MTARC2: variants seen among roughly 807,000 people sequenced by gnomAD.
MTARC2 encodes MOCO sulphurase C-terminal domain containing 2.
A neutral mutation model predicts 35.6 loss-of-function variants in MTARC2; 27 were observed. The observed-to-expected ratio is 0.76, with a 90% CI of 0.56 to 1.04. MTARC2 has a LOEUF of 1.04. MTARC2 is among the 50% of genes least tolerant of loss of function. The pLI is 0.00. For synonymous variants in MTARC2, 158 were observed against 167.1 expected (o/e 0.95, Z 0.42); for missense variants, 412 against 432.5 (o/e 0.95, Z 0.42).
At chr1:220,763,135 C>T (rs1350791454) in intron 4 of MTARC2, 85 bp downstream of exon 4, 9 of 1,571,208 alleles carry the variant, frequency 5.7e-6, no homozygotes, top group Non-Finnish European at 7.9e-6. Flanking sequence ...AGAGCCAACT[C>T]AGATCCGCCA....
chr1:220,765,289 C>G (rs1242154508), intron 4 of MTARC2, among the ~76,000 whole-genome samples: 1 of 152,076 alleles, frequency 6.6e-6, no homozygotes, highest in African/African-American at 2.4e-5. Context: ...ATTTTAGAAT[C>G]ACAGGAGCAT....
At chr1:220,783,133 T>C (rs1051452732) in intron 7 of MTARC2, among the ~76,000 whole-genome samples, 1 of 152,260 alleles carries the variant, frequency 6.6e-6, no homozygotes, top group Non-Finnish European at 1.5e-5. Context: ...ATTTCATCCG[T>C]TCTGAGATCC....
chr1:220,762,542 G>T (rs1671467197), intron 3 of MTARC2, among the ~76,000 whole-genome samples: 1 of 152,188 alleles, frequency 6.6e-6, no homozygotes, highest in Non-Finnish European at 1.5e-5. Flanking sequence ...TAAATGCCTA[G>T]TGAGTGAATG....
intron 4 of MTARC2, among the ~76,000 whole-genome samples, chr1:220,764,162 C>T (rs889669708): frequency 1.3e-5 from 2 of 151,758 alleles, no homozygotes; most frequent in East Asian, 1.9e-4. Context: ...GGCACGATCT[C>T]GGCTCGCTGC....
Position 220,781,777 on chromosome 1 carries a change from GCTACCGC to G in MTARC2, c.887_893del (p.Tyr296CysfsTer28), listed in dbSNP as rs1672077775. The G allele has an allele frequency of 1.2e-6, 2 of 1,613,846 alleles. No individual in the cohort carries two copies. Among genetic ancestry groups the G allele is most frequent in the Admixed American group, 1.7e-5 (1 of 59,992 alleles). On this transcript the variant is annotated frameshift_variant and splice_region_variant, in exon 7 of 8. Transcript: ENST00000366913. LOFTEE classifies it high-confidence loss of function. Reference sequence around the variant, plus strand: ...GATGATTGAATTTTTGCTTGTTTCAGCTACCGCCTGTGTGATCCTTCTGAGAGGGAAT... The same window carrying G: ...GATGATTGAATTTTTGCTTGTTTCAGCTGTGTGATCCTTCTGAGAGGGAAT...
At chr1:220,770,220 A>G (rs1671705935) in intron 4 of MTARC2, among the ~76,000 whole-genome samples, 1 of 152,142 alleles carries the variant, frequency 6.6e-6, no homozygotes, top group Non-Finnish European at 1.5e-5. Flanking sequence ...CTTAAAGTCC[A>G]TTTCTCGAGA....
intron 4 of MTARC2, among the ~76,000 whole-genome samples, chr1:220,772,661 G>A (rs1468532054): frequency 5.9e-5 from 9 of 151,830 alleles, no homozygotes; most frequent in Admixed American, 2.6e-4. Context: ...GGATCCCAGT[G>A]AGAAAGAGGC....
At chr1:220,776,827 G>C (rs1671930608) in intron 4 of MTARC2, among the ~76,000 whole-genome samples, 1 of 152,164 alleles carries the variant, frequency 6.6e-6, no homozygotes, top group Admixed American at 6.5e-5. Context: ...AAGATACTTG[G>C]AGAGCCAGGG....
chr1:220,752,879 A>G (rs1340675444), intron 1 of MTARC2, among the ~76,000 whole-genome samples: 6 of 151,796 alleles, frequency 4.0e-5, no homozygotes, highest in Non-Finnish European at 4.4e-5. Context: ...AAGTATAAAT[A>G]TATATAAATG....
At chr1:220,763,193 G>T (rs868684080) in intron 4 of MTARC2, 143 bp downstream of exon 4, 1 of 1,229,198 alleles carries the variant, frequency 8.1e-7, no homozygotes. Context: ...ATTGCTTGCG[G>T]AGTTGTTCAC....
intron 1 of MTARC2, among the ~76,000 whole-genome samples, chr1:220,749,726 C>T (rs967610834): frequency 1.4e-4 from 21 of 152,194 alleles, no homozygotes; most frequent in African/African-American, 5.1e-4. Context: ...CCACTGTGCC[C>T]AGCCAAGATG....
chr1:220,769,089 GA>G (rs1671661228), intron 4 of MTARC2, among the ~76,000 whole-genome samples: 1 of 152,180 alleles, frequency 6.6e-6, no homozygotes, highest in Non-Finnish European at 1.5e-5. Flanking sequence ...TTTACTTAAG[GA>G]GATCTCCTTC....
At chr1:220,781,320 C>T (rs1672065130) in intron 6 of MTARC2, among the ~76,000 whole-genome samples, 1 of 152,214 alleles carries the variant, frequency 6.6e-6, no homozygotes, top group Admixed American at 6.5e-5. Context: ...CATCTGCCAA[C>T]TTCATGTCTG....
At position 220,773,229 on chromosome 1, in the gene MTARC2, C is replaced by A. The variant is rs143647612; in HGVS notation, c.751-6789C>A. On this transcript the variant is annotated intron_variant, in intron 4 of 7. Coordinates refer to ENST00000366913, the MANE Select transcript of MTARC2 (RefSeq NM_017898.5). ...AGTCACCAATGGCCAATGATTTTAT[C>A]AATCATTTACATGAAATGAAACCTC... is the stretch of plus-strand genomic sequence containing the variant. Among the ~76,000 whole-genome samples, 152 of 152,250 alleles carry A rather than the reference C, an allele frequency of 1.0e-3. 2 individuals carry two copies. In the East Asian group the frequency reaches 0.026, roughly 26 times the overall value.
intron 4 of MTARC2, chr1:220,770,592 C>A: frequency 2.0e-6 from 2 of 982,358 alleles, no homozygotes; most frequent in Non-Finnish European, 2.4e-6. Context: ...CATGACCCCC[C>A]ATACCTTTCT....
At chr1:220,755,226 G>T in intron 2 of MTARC2, 106 bp downstream of exon 2, 1 of 1,223,100 alleles carries the variant, frequency 8.2e-7, no homozygotes, top group Non-Finnish European at 1.1e-6. Flanking sequence ...GGATGACATT[G>T]GTAAAGGAAA....
At chr1:220,781,595 C>T (rs1198020408) in intron 6 of MTARC2, among the ~76,000 whole-genome samples, 183 bp from the exon 7 acceptor site, 1 of 152,194 alleles carries the variant, frequency 6.6e-6, no homozygotes, top group Non-Finnish European at 1.5e-5. Flanking sequence ...TTTCAGGATA[C>T]TTCTAGAAAA....
intron 4 of MTARC2, among the ~76,000 whole-genome samples, chr1:220,763,312 G>A (rs905919011): frequency 6.6e-6 from 1 of 152,164 alleles, no homozygotes; most frequent in Non-Finnish European, 1.5e-5. Flanking sequence ...CAAATCTGAG[G>A]TTGGAATATG....
chr1:220,764,371 G>A (rs1671523749), intron 4 of MTARC2, among the ~76,000 whole-genome samples: 1 of 152,136 alleles, frequency 6.6e-6, no homozygotes. Flanking sequence ...TGGATTACAG[G>A]CATGAGCCAC....
Sources: gnomAD v4.1 joint callset for allele counts (sites outside exome capture counted in the v4.1 genomes callset) on GRCh38, gnomAD v4.1.1 for gene constraint, MANE v1.5 for transcripts, NCBI Gene and HGNC (gene_info 2026-07-23, HGNC 2026-07-21) for gene names.